LARGE1: variants seen among roughly 807,000 people sequenced by gnomAD.
LARGE1 encodes the protein xylosyl- and glucuronyltransferase LARGE1.
LARGE1 carries 43 observed loss-of-function variants against 87.6 expected under a neutral mutation model. The ratio of observed to expected loss-of-function variants is 0.49; its 90% CI spans 0.38 to 0.63. LARGE1 has a LOEUF of 0.63. Ranked by LOEUF, LARGE1 falls within the 30% of genes least tolerant of loss-of-function variation. The pLI, the probability that LARGE1 is intolerant of heterozygous loss-of-function variation, is 0.00. For missense variants in LARGE1, 802 were observed against 1,000.2 expected, an observed-to-expected ratio of 0.80 and a Z score of 2.67; for synonymous variants, 434 against 394.6, an observed-to-expected ratio of 1.10 and a Z score of -1.18.
At chr22:33,262,505 C>G (rs561579122) in intron 11 of LARGE1, among the ~76,000 whole-genome samples, 1 of 152,134 alleles carries the variant, frequency 6.6e-6, no homozygotes, top group Non-Finnish European at 1.5e-5. Flanking sequence ...GCACACCTGC[C>G]GCTCATGCCA....
upstream of LARGE1, among the ~76,000 whole-genome samples, chr22:33,921,124 G>T (rs2065938705): frequency 6.6e-6 from 1 of 151,396 alleles, no homozygotes; most frequent in Admixed American, 6.6e-5. This position sits in a 1 kb window ranked among gnomAD's most constrained non-coding sequence, Gnocchi z 4.1. Context: ...GTGACCGAGC[G>T]GCCGGCCAAT....
At position 33,701,723 on chromosome 22, in the gene LARGE1, C is replaced by G. The variant is rs747331558; in HGVS notation, c.107-51055G>C. ...AAGTTCCATGGCCATGCCCAACTGC[C>G]ACAGGGGCAGGGAGACAGTCATTTA... On this transcript the variant is annotated intron_variant, in intron 2 of 14. Coordinates refer to ENST00000397394, the MANE Select transcript of LARGE1 (RefSeq NM_133642.5). 3.5e-4 allele frequency among the ~76,000 whole-genome samples: 53 copies of G among 152,196 alleles called. 1 individual carries two copies. Among genetic ancestry groups the G allele is most frequent in the Non-Finnish European group, 6.8e-4 (46 of 68,030 alleles).
At chr22:33,921,081 CCGGCGCCCGCGT>C (rs1235294342), upstream of LARGE1, among the ~76,000 whole-genome samples, 1,073 of 149,956 alleles carry the variant, frequency 7.2e-3, 44 homozygotes, top group Admixed American at 0.062. This position sits in a 1 kb window ranked among gnomAD's most constrained non-coding sequence, Gnocchi z 4.1. Flanking sequence ...GGGGGCGGGG[CCGGCGCCCGCGT>C]CGGCGCCCGC....
At chr22:33,344,379 TTAGA>T (rs142417153) in intron 9 of LARGE1, among the ~76,000 whole-genome samples, 27,357 of 151,972 alleles carry the variant, frequency 0.18, 2,719 homozygotes, top group Admixed American at 0.25. Flanking sequence ...AACTTACAAC[TTAGA>T]TAGAGAGGAA....
rs1053414407 is a variant in LARGE1 at position 33,205,354 on chromosome 22, A to G, written c.1731-38522T>C. ...CTTTCCAAAGCTGAGTCTCTAAGGT[A>G]GACCCCTAATTCAGCTTTTAAAAAG... On this transcript the variant is annotated intron_variant, in intron 11 of 11. Coordinates refer to the LARGE1 transcript ENST00000608642. Among the ~76,000 whole-genome samples, 43 of 152,266 alleles carry G rather than the reference A, an allele frequency of 2.8e-4. 1 individual carries two copies. Among genetic ancestry groups the G allele is most frequent in the Admixed American group, 1.9e-3 (29 of 15,290 alleles).
chr22:33,891,093 CA>C (rs1384144673), intron 1 of LARGE1, among the ~76,000 whole-genome samples: 4 of 151,864 alleles, frequency 2.6e-5, no homozygotes, highest in Non-Finnish European at 5.9e-5. Flanking sequence ...CTCGTCTCCT[CA>C]ACAGGCAGGC....
At chr22:33,274,673 T>C in intron 14 of LARGE1, 49 bp from the exon 15 acceptor site, 1 of 1,548,050 alleles carries the variant, frequency 6.5e-7, no homozygotes, top group Non-Finnish European at 8.9e-7. Context: ...CCGAGGGTCA[T>C]GCATGATGAA....
intron 11 of LARGE1, among the ~76,000 whole-genome samples, chr22:33,218,463 T>A (rs931395885): frequency 1.3e-5 from 2 of 152,192 alleles, no homozygotes; most frequent in East Asian, 1.9e-4. Context: ...TTCTTTGAAG[T>A]CTTCCCTGAT....
chr22:33,338,112 G>A (rs941407204), intron 9 of LARGE1, among the ~76,000 whole-genome samples: 1 of 152,072 alleles, frequency 6.6e-6, no homozygotes, highest in African/African-American at 2.4e-5. Flanking sequence ...TCAGCCCTAA[G>A]ATGTGATGCT....
At chr22:33,206,490 C>T (rs985614387) in intron 11 of LARGE1, among the ~76,000 whole-genome samples, 4 of 152,120 alleles carry the variant, frequency 2.6e-5, no homozygotes, top group Non-Finnish European at 4.4e-5. Flanking sequence ...GGAGTTTATG[C>T]TTTCTATGAC....
the LARGE1 span, among the ~76,000 whole-genome samples, chr22:33,112,514 G>A: frequency 1.3e-5 from 2 of 152,320 alleles, no homozygotes; most frequent in South Asian, 4.1e-4. Flanking sequence ...ATATCACAGG[G>A]CGCATTCGGG....
chr22:33,727,031 T>G (rs541604569), intron 2 of LARGE1, among the ~76,000 whole-genome samples: 5 of 152,218 alleles, frequency 3.3e-5, no homozygotes, highest in Middle Eastern at 3.4e-3. Context: ...GGAGAATCAG[T>G]CTGTCATGGC....
intron 9 of LARGE1, among the ~76,000 whole-genome samples, chr22:33,371,857 G>A (rs1415128255): frequency 3.3e-5 from 5 of 151,974 alleles, no homozygotes; most frequent in African/African-American, 9.7e-5. Flanking sequence ...GGTGGCGGGC[G>A]CCTGTAGTCC....
At chr22:33,106,397 C>T in the LARGE1 span, among the ~76,000 whole-genome samples, 15 of 152,296 alleles carry the variant, frequency 9.8e-5, no homozygotes, top group South Asian at 8.3e-4. Flanking sequence ...GAATGAGGAA[C>T]GGTTCACAAG....
At chr22:33,449,695 C>T (rs542693570) in intron 6 of LARGE1, among the ~76,000 whole-genome samples, 5 of 152,338 alleles carry the variant, frequency 3.3e-5, no homozygotes, top group Admixed American at 6.5e-5. Context: ...GGTATATATG[C>T]GTCTCAAAGC....
At chr22:33,148,148 C>T in the LARGE1 span, among the ~76,000 whole-genome samples, 3 of 152,268 alleles carry the variant, frequency 2.0e-5, no homozygotes, top group East Asian at 5.8e-4. Context: ...TGTGGAATGA[C>T]CCTCTACAGA....
the LARGE1 span, among the ~76,000 whole-genome samples, chr22:33,115,169 C>T: frequency 9.9e-5 from 15 of 152,016 alleles, no homozygotes; most frequent in Admixed American, 2.6e-4. Context: ...AAGTTCTGAC[C>T]CCCCATTATG....
chr22:33,292,169 C>T (rs184341830), intron 12 of LARGE1, among the ~76,000 whole-genome samples: 4 of 152,228 alleles, frequency 2.6e-5, no homozygotes, highest in African/African-American at 7.2e-5. Context: ...TCCCAGACAA[C>T]GAATCTGCCA....
At chr22:33,366,400 C>T (rs5998897) in intron 9 of LARGE1, among the ~76,000 whole-genome samples, 2,711 of 152,298 alleles carry the variant, frequency 0.018, 77 homozygotes, top group African/African-American at 0.056. Flanking sequence ...TGAATGAGCA[C>T]GTAATTTTGT....
Sources: gnomAD v4.1 joint callset for allele counts (sites outside exome capture counted in the v4.1 genomes callset) on GRCh38, gnomAD v4.1.1 for gene constraint, Gnocchi (gnomAD v3.1) non-coding constraint, MANE v1.5 for transcripts, NCBI Gene and HGNC (gene_info 2026-07-23, HGNC 2026-07-21) for gene names.